The following UGT1A4 variants were observed in gnomAD, a reference collection of about 807,000 sequenced individuals.
The protein encoded by UGT1A4 is UDP-glucuronosyltransferase 1A4.
In UGT1A4, 32 loss-of-function variants were observed where a neutral mutation model predicts 41.1. The observed-to-expected ratio is 0.78, with a 90% CI of 0.59 to 1.05. The LOEUF (loss-of-function observed/expected upper bound fraction) is 1.05, where lower values mean the gene tolerates loss of function less well. UGT1A4 is among the 50% of genes least tolerant of loss of function. UGT1A4 has a pLI of 0.00. For synonymous variants in UGT1A4, 283 were observed against 265.1 expected (o/e 1.07, Z -0.66); for missense variants, 748 against 677.4 (o/e 1.10, Z -1.16).
At chr2:233,747,861 C>G (rs1332283136) in intron 1 of UGT1A4, 2 of 1,613,322 alleles carry the variant, frequency 1.2e-6, no homozygotes, top group African/African-American at 2.7e-5. Context: ...CATGCTCTAC[C>G]CTCTGGCCCT....
intron 1 of UGT1A4, chr2:233,740,604 A>T (rs537335169): frequency 3.9e-5 from 6 of 151,968 alleles, no homozygotes; most frequent in Non-Finnish European, 5.9e-5. Flanking sequence ...ACAGGTCTCC[A>T]GGTCTCTTGG....
At chr2:233,732,625 G>A (rs1018274304) in intron 1 of UGT1A4, among the ~76,000 whole-genome samples, 1 of 152,154 alleles carries the variant, frequency 6.6e-6, no homozygotes, top group African/African-American at 2.4e-5. Context: ...TAGATGTGTG[G>A]TGTTATTTCT....
chr2:233,770,182 A>T (rs778207496), intron 4 of UGT1A4: 1 of 152,262 alleles, frequency 6.6e-6, no homozygotes, highest in Non-Finnish European at 1.5e-5. Flanking sequence ...CAACTTATTA[A>T]CTAACTTTCA....
intron 1 of UGT1A4, among the ~76,000 whole-genome samples, chr2:233,736,926 C>T (rs1389515258): frequency 2.0e-5 from 3 of 152,150 alleles, no homozygotes; most frequent in Non-Finnish European, 4.4e-5. Flanking sequence ...ACCAGAGGCG[C>T]ACCCACCTAT....
chr2:233,747,877 A>G, intron 1 of UGT1A4: 2 of 1,613,450 alleles, frequency 1.2e-6, no homozygotes, highest in Non-Finnish European at 1.7e-6. Context: ...GCCCTGTCCT[A>G]CCTTTGCCAT....
rs767732319 is a variant in UGT1A4, at chr2:233,772,468, T to A, written c.1514T>A (p.Phe505Tyr). ...FLLAVVLTVA[F>Y]ITFKCCAYGY... Reference sequence around the variant, plus strand: ...TTGGCCGTCGTGCTGACAGTGGCCTTCATCACCTTTAAATGTTGTGCTTAT... The same window carrying A: ...TTGGCCGTCGTGCTGACAGTGGCCTACATCACCTTTAAATGTTGTGCTTAT... The change falls in exon 5 of 5, where the codon TTC (phenylalanine) becomes TAC (tyrosine). Residue 505 changes from phenylalanine (F) to tyrosine (Y), a missense_variant. Physicochemically the swap from Phe to Tyr is conservative, Grantham distance 22. Transcript: ENST00000373409. The A allele has an allele frequency of 3.7e-6, 6 of 1,614,162 alleles. No homozygotes were observed. In the South Asian group the frequency reaches 6.6e-5, roughly 18 times the overall value.
rs1233406017 is a variant in UGT1A4 at position 233,718,946 on chromosome 2, CA to C, written c.127del (p.Ser43AlafsTer23). 88 of 1,614,072 alleles carry C rather than the reference CA, an allele frequency of 5.5e-5. No homozygotes were observed. In the East Asian group the frequency reaches 1.6e-3, roughly 29 times the overall value. ...VVPTDGSPWL[S>X]MREALRELHA... ...TGCCCACTGATGGCAGCCCCTGGCT[CA>C]GCATGCGGGAGGCCTTGCGGGAGCT... On this transcript the variant is annotated frameshift_variant, in exon 1 of 5. Transcript: ENST00000373409. LOFTEE classifies it high-confidence loss of function.
Position 233,719,571 on chromosome 2 carries a change from T to C in UGT1A4, c.751T>C (p.Tyr251His), listed in dbSNP as rs749406769. The C allele has an allele frequency of 1.9e-5, 31 of 1,613,788 alleles. No individual in the cohort carries two copies. Among genetic ancestry groups the C allele is most frequent in the Non-Finnish European group, 2.2e-5 (26 of 1,179,874 alleles). ...GGTGTCAGTGGTGGATCTTGTCAGC[T>C]ATGCATCCGTGTGGCTGTTCCGAGG... ...REVSVVDLVS[Y>H]ASVWLFRGDF... is the part of the protein sequence containing the mutation. Residue 251 changes from tyrosine (Y) to histidine (H), a missense_variant, in exon 1 of 5, where the codon TAT becomes CAT. Coordinates refer to ENST00000373409, the MANE Select transcript of UGT1A4 (RefSeq NM_007120.3).
intron 1 of UGT1A4, chr2:233,747,483 C>A (rs993277218): frequency 6.2e-7 from 1 of 1,608,496 alleles, no homozygotes; most frequent in Non-Finnish European, 8.5e-7. Context: ...TGAATTTGAT[C>A]GCCTTGTGCT....
chr2:233,750,987 C>A (rs140441181), intron 1 of UGT1A4, among the ~76,000 whole-genome samples: 5 of 151,730 alleles, frequency 3.3e-5, no homozygotes, highest in African/African-American at 1.2e-4. Context: ...TGTGAGAAGG[C>A]GGCCACCATC....
intron 1 of UGT1A4, among the ~76,000 whole-genome samples, chr2:233,763,208 C>A (rs998860630): frequency 1.3e-5 from 2 of 152,170 alleles, no homozygotes; most frequent in Non-Finnish European, 2.9e-5. Flanking sequence ...TGCAGTCAGG[C>A]TTAGGTGTGA....
intron 1 of UGT1A4, chr2:233,747,614 T>A (rs1693730257): frequency 3.8e-6 from 6 of 1,574,498 alleles, no homozygotes; most frequent in Non-Finnish European, 1.7e-6. Flanking sequence ...TACTGCATAA[T>A]GAGGCCCTGA....
At chr2:233,731,193 A>G (rs750244105) in intron 1 of UGT1A4, among the ~76,000 whole-genome samples, 7 of 152,062 alleles carry the variant, frequency 4.6e-5, no homozygotes, top group East Asian at 1.9e-4. Flanking sequence ...TAATTATTCA[A>G]TTATAAAATA....
intron 1 of UGT1A4, among the ~76,000 whole-genome samples, chr2:233,762,044 CATTTTCCTTCATAGCACATCAAATA>C (rs1208875045): frequency 1.3e-5 from 2 of 152,198 alleles, no homozygotes; most frequent in East Asian, 1.9e-4. Context: ...ATTTTCTGTG[CATTTTCCTTCATAGCACATCAAATA>C]TGGCAGCCAT....
At chr2:233,742,375 GC>G (rs1691959490) in intron 1 of UGT1A4, among the ~76,000 whole-genome samples, 1 of 151,984 alleles carries the variant, frequency 6.6e-6, no homozygotes, top group Non-Finnish European at 1.5e-5. Flanking sequence ...TGTCCTTAAG[GC>G]ACAGATGGCT....
Position 233,772,946 on chromosome 2 carries a change from G to A in UGT1A4, c.*387G>A. On this transcript the variant is annotated 3_prime_UTR_variant, in exon 5 of 5. Transcript: ENST00000373409. ...GTTTTAATCTTATCTTTTGGCTTCT[G>A]CAGATGGTTGCAATTGATCCTTAAC... The A allele has an allele frequency of 3.1e-6, 1 of 325,346 alleles. No homozygotes were observed. Among genetic ancestry groups the A allele is most frequent in the Non-Finnish European group, 5.8e-6 (1 of 173,426 alleles). The allele number at this position is 325,346 out of a possible 1,614,324, so 20.2% of individuals were successfully genotyped here.
rs548037824 is a variant in UGT1A4, at chr2:233,759,409, G to A, written c.868-7625G>A. ...ACTCAGAGTAACCGTGTGACCTGTAGTAAGCAAAGGGCCAGTTGGCTCTAT... is the reference window on the plus strand; with the variant it reads ...ACTCAGAGTAACCGTGTGACCTGTAATAAGCAAAGGGCCAGTTGGCTCTAT... On this transcript the variant is annotated intron_variant, in intron 1 of 4. Transcript: ENST00000373409. 7.2e-5 allele frequency among the ~76,000 whole-genome samples: 11 copies of A among 152,280 alleles called. 1 individual carries two copies. The South Asian group carries it at 2.3e-3, about 32-fold the overall frequency.
intron 1 of UGT1A4, among the ~76,000 whole-genome samples, chr2:233,736,870 C>T (rs1044494188): frequency 6.6e-6 from 1 of 152,190 alleles, no homozygotes; most frequent in African/African-American, 2.4e-5. Context: ...GCAAATATTG[C>T]AGAACAGCAA....
At chr2:233,735,813 T>C (rs1312279736) in intron 1 of UGT1A4, among the ~76,000 whole-genome samples, 1 of 152,232 alleles carries the variant, frequency 6.6e-6, no homozygotes, top group Non-Finnish European at 1.5e-5. Flanking sequence ...AAAATTCTTT[T>C]CTTTAAGAAT....
Sources: gnomAD v4.1 joint callset for allele counts (sites outside exome capture counted in the v4.1 genomes callset) on GRCh38, gnomAD v4.1.1 for gene constraint, MANE v1.5 for transcripts, NCBI Gene and HGNC (gene_info 2026-07-23, HGNC 2026-07-21) for gene names.